The following STYX variants were observed in gnomAD, a reference collection of about 807,000 sequenced individuals.
STYX encodes the protein serine/threonine/tyrosine-interacting protein.
Under a neutral mutation model 42.7 loss-of-function variants are expected in STYX, and 20 were observed. The observed-to-expected ratio is 0.47, with a 90% CI of 0.33 to 0.68. STYX has a LOEUF of 0.68. STYX is among the 30% of genes least tolerant of loss of function. The pLI is 0.02. For synonymous variants in STYX, 78 were observed against 81.9 expected, an observed-to-expected ratio of 0.95 and a Z score of 0.26; for missense variants, 226 against 268.5, an observed-to-expected ratio of 0.84 and a Z score of 1.11.
chr14:52,734,748 G>A (rs931815771), intron 1 of STYX, among the ~76,000 whole-genome samples: 1 of 152,144 alleles, frequency 6.6e-6, no homozygotes, highest in Admixed American at 6.6e-5. Flanking sequence ...CAACAAAAAC[G>A]AATTTAAGAA....
At chr14:52,750,866 G>T in intron 4 of STYX, 86 bp downstream of exon 4, 1 of 882,742 alleles carries the variant, frequency 1.1e-6, no homozygotes, top group Admixed American at 2.9e-5. Flanking sequence ...TACATATCTA[G>T]TTTGTAAAAA....
chr14:52,730,572 G>C (rs1880655444), intron 1 of STYX, 41 bp downstream of exon 1: 7 of 1,604,742 alleles, frequency 4.4e-6, no homozygotes, highest in African/African-American at 1.3e-5. Flanking sequence ...GCCTCTCCCT[G>C]TGGCTCCGGC....
intron 3 of STYX, among the ~76,000 whole-genome samples, chr14:52,749,910 A>C (rs1594871785): frequency 1.3e-5 from 2 of 152,252 alleles, no homozygotes; most frequent in African/African-American, 2.4e-5. Flanking sequence ...TCATGCACCA[A>C]ATGACTGTAT....
rs1322940762 is a variant in STYX at position 52,759,660 on chromosome 14, A to G, written c.432-22A>G. 4 of 1,508,154 alleles carry G rather than the reference A, an allele frequency of 2.7e-6. No individual in the cohort carries two copies. In the East Asian group the frequency reaches 6.8e-5, roughly 26 times the overall value. 93.4% of individuals were successfully genotyped at this position (1,508,154 alleles called of 1,614,324 possible). ...ATTCATTAAATAATGCTATCACATT[A>G]ACACTCTTTTTCTGTTTTCAGAGAT... On this transcript the variant is annotated intron_variant, in intron 8 of 10. Coordinates refer to ENST00000354586, the MANE Select transcript of STYX (RefSeq NM_145251.4).
At chr14:52,758,009 C>A in intron 8 of STYX, 85 bp downstream of exon 8, 1 of 1,413,526 alleles carries the variant, frequency 7.1e-7, no homozygotes, top group Non-Finnish European at 9.8e-7. Context: ...GTTTGAAGTT[C>A]TTATTCCCCT....
chr14:52,742,767 T>G (rs1057136080), intron 1 of STYX, among the ~76,000 whole-genome samples: 1 of 151,902 alleles, frequency 6.6e-6, no homozygotes, highest in African/African-American at 2.4e-5. Flanking sequence ...ATAACTGGCC[T>G]CCTTCTGATT....
In STYX at chr14:52,772,498, T is replaced by G. The variant is rs1008397468; in HGVS notation, c.*1392T>G. On this transcript the variant is annotated 3_prime_UTR_variant, in exon 11 of 11. Transcript: ENST00000354586. Reference sequence around the variant, plus strand: ...AGTATGTAAGGGAAGAGAGGAGTGTTTTTAACTTTTTATAGTTGATGACTT... The same window carrying G: ...AGTATGTAAGGGAAGAGAGGAGTGTGTTTAACTTTTTATAGTTGATGACTT... 3.9e-5 allele frequency: 6 copies of G among 152,544 alleles called. No individual in the cohort carries two copies. The highest frequency in any genetic ancestry group is 8.8e-5 in the Non-Finnish European group (6 of 67,996). The allele number at this position is 152,544 out of a possible 1,614,324, so 9.4% of individuals were successfully genotyped here.
chr14:52,751,371 T>C lies in STYX; in HGVS notation c.242+591T>C, dbSNP rs544801619. 2.6e-5 allele frequency among the ~76,000 whole-genome samples: 4 copies of C among 152,310 alleles called. No homozygotes were observed. The South Asian group carries it at 6.2e-4, about 24-fold the overall frequency. ...GATTGTTTCTGGCCTTGTACTAATA[T>C]GTATAGCATATAGTGACTATCATTG... On this transcript the variant is annotated intron_variant, in intron 4 of 10. Transcript: ENST00000354586.
intron 9 of STYX, among the ~76,000 whole-genome samples, chr14:52,761,390 G>A (rs1289167054): frequency 1.3e-5 from 2 of 151,452 alleles, no homozygotes; most frequent in Non-Finnish European, 2.9e-5. Flanking sequence ...GAATATACCT[G>A]TAAGGTAACT....
intron 1 of STYX, 33 bp from the exon 2 acceptor site, chr14:52,744,819 T>A (rs775457264): frequency 1.2e-6 from 2 of 1,608,270 alleles, no homozygotes; most frequent in South Asian, 2.2e-5. Context: ...TTTTAAATGT[T>A]ATCTACTTTT....
At position 52,730,236 on chromosome 14, in the gene STYX, C is replaced by A; in HGVS notation, c.-239C>A. ...GTACGGAGACTCTGGGGGAGGGAGACGGCAGCGGCATGGCGGCCGGGTGTA... is the reference window on the plus strand; with the variant it reads ...GTACGGAGACTCTGGGGGAGGGAGAAGGCAGCGGCATGGCGGCCGGGTGTA... On this transcript the variant is annotated 5_prime_UTR_variant, in exon 1 of 11. Coordinates refer to ENST00000354586, the MANE Select transcript of STYX (RefSeq NM_145251.4). The A allele has an allele frequency of 3.5e-6, 2 of 568,818 alleles. No individual in the cohort carries two copies. Among genetic ancestry groups the A allele is most frequent in the Non-Finnish European group, 6.3e-6 (2 of 318,336 alleles). The allele number at this position is 568,818 out of a possible 1,614,324, so 35.2% of individuals were successfully genotyped here. A position where few individuals can be genotyped will look rare whatever the true frequency, so the allele number is the denominator to read the frequency against.
rs143587304 is a variant in STYX at position 52,752,211 on chromosome 14, A to G, written c.242+1431A>G. 1.6e-3 allele frequency among the ~76,000 whole-genome samples: 237 copies of G among 151,474 alleles called. 1 individual carries two copies. The highest frequency in any genetic ancestry group is 5.6e-3 in the African/African-American group (231 of 41,264). Reference sequence around the variant, plus strand: ...AAAAACAGCGCTGTGGCTTACACCTATAATCCCAGTACTTTGGGAGGCTGA... The same window carrying G: ...AAAAACAGCGCTGTGGCTTACACCTGTAATCCCAGTACTTTGGGAGGCTGA... On this transcript the variant is annotated intron_variant, in intron 4 of 10. Transcript: ENST00000354586.
chr14:52,748,714 T>G (rs903529809), intron 3 of STYX, among the ~76,000 whole-genome samples: 1 of 152,202 alleles, frequency 6.6e-6, no homozygotes, highest in African/African-American at 2.4e-5. Context: ...CCTTCAAAAC[T>G]TGTTTAAGCA....
intron 4 of STYX, among the ~76,000 whole-genome samples, 176 bp from the exon 5 acceptor site, chr14:52,756,375 T>A (rs1253936934): frequency 6.6e-6 from 1 of 152,184 alleles, no homozygotes; most frequent in Non-Finnish European, 1.5e-5. Flanking sequence ...ACATGGTGTT[T>A]CAGGTTTTAA....
chr14:52,730,517 A>G lies in STYX; in HGVS notation c.43A>G (p.Lys15Glu), dbSNP rs142689733. 1.6e-5 allele frequency: 26 copies of G among 1,613,474 alleles called. No homozygotes were observed. In the East Asian group the frequency reaches 4.7e-4, roughly 29 times the overall value. The change falls in exon 1 of 11, where the codon AAG becomes GAG. Residue 15 changes from lysine (K) to glutamate (E), a missense_variant. Physicochemically the swap from Lys to Glu is moderately conservative, Grantham distance 56 (BLOSUM62 1). Transcript: ENST00000354586. ...KLEFPSLPQCKEDAEEWTYPM... is the reference protein window; with the variant it reads ...KLEFPSLPQCEEDAEEWTYPM... ...GGAGTTCCCTTCCCTTCCACAGTGC[A>G]AGGAAGACGCCGAGGTGAGTCGCTC...
rs757387242 is a variant in STYX at position 52,759,721 on chromosome 14, T to C, written c.471T>C (p.Ile157=). The C allele has an allele frequency of 6.2e-7, 1 of 1,611,946 alleles. No homozygotes were observed. The change falls in exon 9 of 11, where the codon ATT becomes ATC. Residue 157 remains isoleucine (I), a synonymous_variant. Coordinates refer to ENST00000354586, the MANE Select transcript of STYX (RefSeq NM_145251.4). ...ATGTTCAAGAAAGAAGATTTTGTATTAATCCTAATGCTGGATTTGTCCATC... is the reference window on the plus strand; with the variant it reads ...ATGTTCAAGAAAGAAGATTTTGTATCAATCCTAATGCTGGATTTGTCCATC... The part of the protein sequence containing the change: ...FAYVQERRFC[I]NPNAGFVHQL...
chr14:52,756,342 A>G (rs28568967), intron 4 of STYX, among the ~76,000 whole-genome samples: 17,051 of 152,194 alleles, frequency 0.11, 1,040 homozygotes, highest in South Asian at 0.15. Flanking sequence ...GATTTTTTAA[A>G]TACTTAAATA....
chr14:52,753,163 C>T (rs1490675936), intron 4 of STYX, among the ~76,000 whole-genome samples: 3 of 150,842 alleles, frequency 2.0e-5, no homozygotes, highest in Admixed American at 6.6e-5. Context: ...CAATTCTCTG[C>T]GTCAGCCTTC....
chr14:52,745,018 A>G (rs1881339752), intron 2 of STYX, 134 bp downstream of exon 2: 1 of 673,848 alleles, frequency 1.5e-6, no homozygotes, highest in African/African-American at 1.9e-5. Flanking sequence ...ATTATTTTAA[A>G]TATTTAAGGT....
Sources: gnomAD v4.1 joint callset for allele counts (sites outside exome capture counted in the v4.1 genomes callset) on GRCh38, gnomAD v4.1.1 for gene constraint, MANE v1.5 for transcripts, NCBI Gene and HGNC (gene_info 2026-07-23, HGNC 2026-07-21) for gene names.